The following IL1RAPL1 variants were observed in gnomAD, a reference collection of about 807,000 sequenced individuals.
IL1RAPL1 encodes the protein interleukin-1 receptor accessory protein-like 1.
In IL1RAPL1, 3 loss-of-function variants were observed where a neutral mutation model predicts 48.4. The observed-to-expected ratio is 0.06, with a 90% confidence interval of 0.03 to 0.16. The LOEUF is 0.16. IL1RAPL1 is among the 10% of genes least tolerant of loss of function. IL1RAPL1 has a pLI of 1.00. For missense variants in IL1RAPL1, 349 were observed against 530.6 expected (o/e 0.66, Z 3.36); for synonymous variants, 185 against 187.7 (o/e 0.99, Z 0.12).
intron 1 of IL1RAPL1, among the ~76,000 whole-genome samples, chrX:28,776,164 A>G (rs1295135155): frequency 9.0e-6 from 1 of 111,634 alleles, no homozygotes; most frequent in Non-Finnish European, 1.9e-5. Flanking sequence ...TGATATGCAT[A>G]ATAGCTAAGT....
At chrX:28,614,735 G>A (rs909019012) in intron 1 of IL1RAPL1, among the ~76,000 whole-genome samples, 1 of 111,263 alleles carries the variant, frequency 9.0e-6, no homozygotes, top group African/African-American at 3.3e-5. Flanking sequence ...TTAGTGCTTC[G>A]AATATTGACC....
intron 6 of IL1RAPL1, among the ~76,000 whole-genome samples, chrX:29,861,290 C>G (rs1472106192): frequency 9.0e-6 from 1 of 111,242 alleles, no homozygotes; most frequent in Non-Finnish European, 1.9e-5. Context: ...TCCATGGGAG[C>G]TTTTCAAAAC....
chrX:29,252,124 G>C (rs1185900026), intron 2 of IL1RAPL1, among the ~76,000 whole-genome samples: 2 of 110,253 alleles, frequency 1.8e-5, no homozygotes, highest in East Asian at 2.8e-4. Context: ...GTGGGGTAAG[G>C]GGAGGGGGGA....
chrX:29,816,301 G>A (rs1930491779), intron 6 of IL1RAPL1, among the ~76,000 whole-genome samples: 1 of 111,199 alleles, frequency 9.0e-6, no homozygotes, highest in Non-Finnish European at 1.9e-5. Flanking sequence ...ACACCTCTAT[G>A]CACAGAAACT....
At chrX:29,252,304 G>A (rs1325889974) in intron 2 of IL1RAPL1, among the ~76,000 whole-genome samples, 1 of 113,079 alleles carries the variant, frequency 8.8e-6, no homozygotes, top group African/African-American at 3.2e-5. Flanking sequence ...AGAAAATCAG[G>A]GCCATAGAGA....
chrX:29,002,547 A>T (rs185368828), intron 2 of IL1RAPL1, among the ~76,000 whole-genome samples: 276 of 101,324 alleles, frequency 2.7e-3, no homozygotes, highest in African/African-American at 9.5e-3. Flanking sequence ...AGCCAAAATT[A>T]AAAAAAAAAA....
chrX:29,869,013 G>A (rs1204850848), intron 6 of IL1RAPL1, among the ~76,000 whole-genome samples: 1 of 112,127 alleles, frequency 8.9e-6, no homozygotes, highest in African/African-American at 3.2e-5. Flanking sequence ...AGCATGATAT[G>A]AGTACTGTCT....
chrX:28,713,092 C>T (rs993878533), intron 1 of IL1RAPL1, among the ~76,000 whole-genome samples: 1 of 110,116 alleles, frequency 9.1e-6, no homozygotes, highest in Non-Finnish European at 1.9e-5. Context: ...CTCACTGTGT[C>T]GCCCAGGCTG....
intron 5 of IL1RAPL1, among the ~76,000 whole-genome samples, chrX:29,443,637 T>C (rs1474383954): frequency 8.9e-6 from 1 of 111,908 alleles, no homozygotes; most frequent in African/African-American, 3.3e-5. Flanking sequence ...ATTTAGTCTT[T>C]GCTACATTGC....
chrX:29,211,824 T>C (rs1201872668), intron 2 of IL1RAPL1, among the ~76,000 whole-genome samples: 2 of 111,622 alleles, frequency 1.8e-5, no homozygotes, highest in African/African-American at 6.5e-5. Context: ...ATAACCATTT[T>C]TGTTACCATC....
At position 29,025,956 on chromosome X, in the gene IL1RAPL1, C is replaced by T. The variant is rs149320300; in HGVS notation, c.82+236531C>T. On this transcript the variant is annotated intron_variant, in intron 2 of 10. Transcript: ENST00000378993. The stretch of plus-strand genomic sequence containing the variant: ...CACCTAGAAATGTTGAGACTAAATA[C>T]GTAAATAAAGTACAGTGTTTGCTCT... Among the ~76,000 whole-genome samples, 562 of 111,519 alleles carry T rather than the reference C, an allele frequency of 5.0e-3. 3 individuals carry two copies. Among genetic ancestry groups the T allele is most frequent in the African/African-American group, 0.018 (542 of 30,709 alleles).
chrX:29,566,115 A>AT (rs1448525188), intron 5 of IL1RAPL1, among the ~76,000 whole-genome samples: 10 of 111,207 alleles, frequency 9.0e-5, no homozygotes, highest in African/African-American at 2.6e-4. Context: ...CACCCGGCTA[A>AT]TTTTTTGTAG....
chrX:28,795,510 G>A (rs1936600329), intron 2 of IL1RAPL1, among the ~76,000 whole-genome samples: 2 of 111,064 alleles, frequency 1.8e-5, no homozygotes, highest in South Asian at 7.5e-4. Flanking sequence ...AAGGATAAAA[G>A]GCAGTATGAA....
At chrX:29,033,322 C>CA (rs1334345555) in intron 2 of IL1RAPL1, among the ~76,000 whole-genome samples, 1 of 110,835 alleles carries the variant, frequency 9.0e-6, no homozygotes. Context: ...TGGATTTTCA[C>CA]AAAAAAATAT....
At chrX:29,342,888 A>G (rs1035711999) in intron 3 of IL1RAPL1, among the ~76,000 whole-genome samples, 3 of 112,330 alleles carry the variant, frequency 2.7e-5, no homozygotes, top group African/African-American at 9.7e-5. Flanking sequence ...GCAGTATAAT[A>G]AGGGACCATT....
chrX:28,664,579 G>A (rs934466502), intron 1 of IL1RAPL1, among the ~76,000 whole-genome samples: 2 of 111,467 alleles, frequency 1.8e-5, no homozygotes, highest in African/African-American at 6.5e-5. Flanking sequence ...AATCATTCCC[G>A]AGGCTTAATC....
At chrX:28,656,707 C>A (rs1277637980) in intron 1 of IL1RAPL1, among the ~76,000 whole-genome samples, 1 of 111,779 alleles carries the variant, frequency 8.9e-6, no homozygotes, top group African/African-American at 3.3e-5. Context: ...TAGCATTGGG[C>A]ACATTTGCAA....
At chrX:29,821,406 C>T (rs999879393) in intron 6 of IL1RAPL1, among the ~76,000 whole-genome samples, 2 of 110,759 alleles carry the variant, frequency 1.8e-5, no homozygotes, top group Non-Finnish European at 3.8e-5. Flanking sequence ...GCCAAGATCA[C>T]ACCACTGCCC....
intron 1 of IL1RAPL1, among the ~76,000 whole-genome samples, chrX:28,689,582 AT>A (rs1331033605): frequency 8.9e-6 from 1 of 112,028 alleles, no homozygotes; most frequent in African/African-American, 3.2e-5. Context: ...TTATTTAAAA[AT>A]ATTTTTACTA....
Sources: gnomAD v4.1 joint callset for allele counts (sites outside exome capture counted in the v4.1 genomes callset) on GRCh38, gnomAD v4.1.1 for gene constraint, MANE v1.5 for transcripts, NCBI Gene and HGNC (gene_info 2026-07-23, HGNC 2026-07-21) for gene names.